Variants in ABCC4 observed in about 807,000 individuals in gnomAD.
The protein encoded by ABCC4 is ATP binding cassette subfamily C member 4 (PEL blood group), also known as ATP-binding cassette sub-family C member 4.
Under a neutral mutation model 168.5 loss-of-function variants are expected in ABCC4, and 102 were observed. The observed-to-expected ratio is 0.61, with a 90% CI of 0.52 to 0.71. ABCC4 has a LOEUF of 0.71. Ranked by LOEUF, ABCC4 falls within the 30% of genes least tolerant of loss-of-function variation. The probability of loss-of-function intolerance (pLI) is 0.00; values close to 1 mark genes in which losing one functional copy is unlikely to be tolerated. For synonymous variants in ABCC4, 617 were observed against 590.7 expected (o/e 1.04, Z -0.65); for missense variants, 1,402 against 1,605.8 (o/e 0.87, Z 2.17).
intron 8 of ABCC4, among the ~76,000 whole-genome samples, chr13:95,196,580 AG>A (rs2038424519): frequency 2.0e-5 from 2 of 101,100 alleles, no homozygotes; most frequent in South Asian, 7.5e-4. Context: ...AAAGGAGGAA[AG>A]GAGGAAGGAA....
At chr13:95,096,693 C>T (rs1354361501) in intron 20 of ABCC4, among the ~76,000 whole-genome samples, 6 of 151,988 alleles carry the variant, frequency 3.9e-5, no homozygotes, top group Non-Finnish European at 5.9e-5. Context: ...AACTGTCAAC[C>T]TAGAATCTTC....
intron 30 of ABCC4, among the ~76,000 whole-genome samples, chr13:95,034,089 A>G (rs146403548): frequency 6.6e-5 from 10 of 152,354 alleles, no homozygotes; most frequent in Admixed American, 5.9e-4. Flanking sequence ...CTTTACAAAT[A>G]ATAAAACAGA....
intron 21 of ABCC4, among the ~76,000 whole-genome samples, chr13:95,076,685 G>A (rs2033920182): frequency 6.6e-6 from 1 of 152,064 alleles, no homozygotes; most frequent in African/African-American, 2.4e-5. Flanking sequence ...GGCTGGTCTT[G>A]AACTCCTGAC....
At position 95,218,927 on chromosome 13, in the gene ABCC4, G is replaced by GAGAAAGAAAGAAAGAAAGAA. The variant is rs71111597; in HGVS notation, c.532-8166_532-8147dup. On this transcript the variant is annotated intron_variant, in intron 4 of 30. Coordinates refer to ENST00000645237, the MANE Select transcript of ABCC4 (RefSeq NM_005845.5). ...AGAAAGAGAGAGAGAGAGAAAGAAA[G>GAGAAAGAAAGAAAGAAAGAA]AGAAAGAAAGAAAGAAAGAAAGAAA... is the stretch of plus-strand genomic sequence containing the variant. Among the ~76,000 whole-genome samples, 21 of 42,446 alleles carry GAGAAAGAAAGAAAGAAAGAA rather than the reference G, an allele frequency of 4.9e-4. 2 individuals carry two copies. The highest frequency in any genetic ancestry group is 1.6e-3 in the East Asian group (3 of 1,840). The allele number at this position is 42,446 out of a possible 152,430, so 27.8% of individuals were successfully genotyped here.
chr13:95,236,569 A>T lies in ABCC4; in HGVS notation c.307-1735T>A, dbSNP rs2153673. ...TGGGTCATGATATTAAATCCCAACAAGCCTGTCTCGGCATGTGAACGCGCG... is the reference window on the plus strand; with the variant it reads ...TGGGTCATGATATTAAATCCCAACATGCCTGTCTCGGCATGTGAACGCGCG... On this transcript the variant is annotated intron_variant, in intron 3 of 30. Transcript: ENST00000645237. 3.9e-5 allele frequency among the ~76,000 whole-genome samples: 6 copies of T among 151,956 alleles called. No homozygotes were observed. In the South Asian group the frequency reaches 8.3e-4, roughly 21 times the overall value.
At chr13:95,255,539 C>A (rs940539332) in intron 1 of ABCC4, among the ~76,000 whole-genome samples, 1 of 152,206 alleles carries the variant, frequency 6.6e-6, no homozygotes, top group Admixed American at 6.5e-5. Flanking sequence ...ATGGTCCCAA[C>A]CCAGCTTATC....
At chr13:95,150,697 T>G (rs190053054) in intron 19 of ABCC4, among the ~76,000 whole-genome samples, 3 of 152,288 alleles carry the variant, frequency 2.0e-5, no homozygotes, top group African/African-American at 7.2e-5. Flanking sequence ...TTATGTTCTT[T>G]CTCCTATCAA....
intron 13 of ABCC4, among the ~76,000 whole-genome samples, chr13:95,175,148 A>T (rs895854629): frequency 1.9e-4 from 29 of 152,028 alleles, no homozygotes; most frequent in African/African-American, 6.3e-4. Context: ...AAACCCCTGG[A>T]ATCCAGAGCC....
intron 19 of ABCC4, among the ~76,000 whole-genome samples, chr13:95,144,025 A>G (rs2139487662): frequency 6.6e-6 from 1 of 152,302 alleles, no homozygotes; most frequent in Non-Finnish European, 1.5e-5. Context: ...ATGTAACTCA[A>G]ATTGGAATTC....
intron 10 of ABCC4, 38 bp from the exon 11 acceptor site, chr13:95,186,930 ACT>A (rs1320821141): frequency 6.4e-7 from 1 of 1,552,038 alleles, no homozygotes; most frequent in Admixed American, 1.9e-5. Flanking sequence ...TTCAGTCAAC[ACT>A]CGAGACAAGA....
intron 19 of ABCC4, among the ~76,000 whole-genome samples, chr13:95,160,025 G>T (rs188268470): frequency 6.6e-6 from 1 of 152,078 alleles, no homozygotes; most frequent in East Asian, 1.9e-4. Flanking sequence ...TTTCAATTTG[G>T]TGGGTATGAA....
At chr13:95,077,175 A>G in intron 21 of ABCC4, among the ~76,000 whole-genome samples, 1 of 152,198 alleles carries the variant, frequency 6.6e-6, no homozygotes, top group East Asian at 1.9e-4. Flanking sequence ...GGGCAGGTGC[A>G]TATTGGGGAC....
intron 8 of ABCC4, among the ~76,000 whole-genome samples, chr13:95,200,834 C>A (rs778114368): frequency 1.3e-5 from 2 of 152,144 alleles, no homozygotes; most frequent in Non-Finnish European, 2.9e-5. Context: ...TTCTGATGAA[C>A]TTGGGGACAA....
At chr13:95,167,468 G>A (rs2037319907) in intron 14 of ABCC4, among the ~76,000 whole-genome samples, 3 of 152,104 alleles carry the variant, frequency 2.0e-5, no homozygotes, top group African/African-American at 7.2e-5. Context: ...TCAGGTGGGG[G>A]AAGGTGGCCA....
At chr13:95,291,543 C>T (rs1768841932) in intron 1 of ABCC4, among the ~76,000 whole-genome samples, 1 of 152,150 alleles carries the variant, frequency 6.6e-6, no homozygotes, top group Non-Finnish European at 1.5e-5. Flanking sequence ...TCCTTTCTAG[C>T]ATTCAGACTA....
At chr13:95,247,909 T>TA (rs2040150581) in intron 1 of ABCC4, among the ~76,000 whole-genome samples, 156 bp from the exon 2 acceptor site, 3 of 21,672 alleles carry the variant, frequency 1.4e-4, no homozygotes, top group Non-Finnish European at 2.7e-4. Context: ...GAGAGAAAAG[T>TA]TAACATGTGC....
chr13:95,158,071 CAAAAAAA>C (rs35037278), intron 19 of ABCC4, among the ~76,000 whole-genome samples: 3 of 84,696 alleles, frequency 3.5e-5, no homozygotes, highest in Admixed American at 2.5e-4. Context: ...GACTCCGTCT[CAAAAAAA>C]AAAAAAAAAA....
intron 20 of ABCC4, among the ~76,000 whole-genome samples, chr13:95,110,454 A>G (rs181294994): frequency 1.8e-4 from 27 of 152,282 alleles, no homozygotes; most frequent in African/African-American, 6.3e-4. Context: ...GTCACAAAAC[A>G]CCATATCTCC....
intron 27 of ABCC4, among the ~76,000 whole-genome samples, chr13:95,051,738 C>T (rs982250649): frequency 6.6e-6 from 1 of 152,052 alleles, no homozygotes; most frequent in Admixed American, 6.6e-5. Flanking sequence ...ACAATGTTGG[C>T]TCACCACAAC....
Sources: gnomAD v4.1 joint callset for allele counts (sites outside exome capture counted in the v4.1 genomes callset) on GRCh38, gnomAD v4.1.1 for gene constraint, MANE v1.5 for transcripts, NCBI Gene and HGNC (gene_info 2026-07-23, HGNC 2026-07-21) for gene names.